Variants in LYN observed in about 807,000 individuals in gnomAD.
LYN encodes the protein LYN proto-oncogene, Src family tyrosine kinase.
LYN carries 12 observed loss-of-function variants against 65.0 expected under a neutral mutation model. The observed-to-expected ratio is 0.18, with a 90% confidence interval of 0.12 to 0.30. LYN has a LOEUF of 0.30. Among genes scored for constraint, LYN ranks in the 10% least tolerant of loss-of-function variants. LYN has a pLI of 1.00. For synonymous variants in LYN, 222 were observed against 221.2 expected (o/e 1.00, Z -0.03); for missense variants, 380 against 623.2 (o/e 0.61, Z 4.16).
In LYN at chr8:55,879,867, C is replaced by G. The variant is rs1804592835; in HGVS notation, c.-242C>G. The G allele has an allele frequency of 1.1e-5, 2 of 185,932 alleles. No individual in the cohort carries two copies. Among genetic ancestry groups the G allele is most frequent in the South Asian group, 8.8e-5 (1 of 11,320 alleles). 11.5% of individuals were successfully genotyped at this position (185,932 alleles called of 1,614,324 possible). On this transcript the variant is annotated 5_prime_UTR_variant, in exon 1 of 13. Coordinates refer to ENST00000519728, the MANE Select transcript of LYN (RefSeq NM_002350.4). ...CTCCCGCCGCGCCGGGCCGCGCTGCCGCTCGCTCCCCGGCCGTGGCGCCTC... is the reference window on the plus strand; with the variant it reads ...CTCCCGCCGCGCCGGGCCGCGCTGCGGCTCGCTCCCCGGCCGTGGCGCCTC...
chr8:55,936,107 G>T (rs1431302280), intron 1 of LYN, among the ~76,000 whole-genome samples: 1 of 152,174 alleles, frequency 6.6e-6, no homozygotes, highest in Non-Finnish European at 1.5e-5. Flanking sequence ...ACTGATACTG[G>T]AATGCAAGTG....
At chr8:55,896,724 C>G (rs1805115758) in intron 1 of LYN, among the ~76,000 whole-genome samples, 1 of 151,954 alleles carries the variant, frequency 6.6e-6, no homozygotes, top group South Asian at 2.1e-4. Flanking sequence ...GCATTCCCCC[C>G]AAGCTCCTCA....
intron 8 of LYN, among the ~76,000 whole-genome samples, chr8:55,958,207 G>A (rs187238744): frequency 2.6e-5 from 4 of 152,252 alleles, no homozygotes; most frequent in South Asian, 2.1e-4. Flanking sequence ...TGGGAAAACC[G>A]CCTTGCTTCT....
chr8:55,947,046 G>A (rs1806799849), intron 3 of LYN, among the ~76,000 whole-genome samples: 1 of 152,160 alleles, frequency 6.6e-6, no homozygotes, highest in Non-Finnish European at 1.5e-5. Context: ...TCAGGAGTTC[G>A]AGACCAGCCT....
intron 1 of LYN, among the ~76,000 whole-genome samples, chr8:55,938,747 A>G (rs762846407): frequency 1.2e-4 from 19 of 152,370 alleles, no homozygotes; most frequent in East Asian, 3.9e-4. Flanking sequence ...TTGTTAATAA[A>G]TAGATGAAAC....
intron 1 of LYN, among the ~76,000 whole-genome samples, chr8:55,921,399 T>TA (rs1805944338): frequency 1.3e-5 from 2 of 152,202 alleles, no homozygotes; most frequent in South Asian, 4.1e-4. Flanking sequence ...GCTATACACG[T>TA]ACTAACTGAT....
intron 12 of LYN, among the ~76,000 whole-genome samples, chr8:56,007,873 C>T (rs1313950595): frequency 6.6e-6 from 1 of 152,108 alleles, no homozygotes; most frequent in Non-Finnish European, 1.5e-5. Flanking sequence ...TAATCCAGCA[C>T]TTTGGGAGGC....
At chr8:55,966,938 A>T in intron 9 of LYN, 41 bp downstream of exon 9, 1 of 1,576,338 alleles carries the variant, frequency 6.3e-7, no homozygotes, top group South Asian at 1.1e-5. Context: ...AGGGCTTCAA[A>T]CTCAAAAAGT....
chr8:55,932,637 T>C (rs1324266578), intron 1 of LYN, among the ~76,000 whole-genome samples: 1 of 152,188 alleles, frequency 6.6e-6, no homozygotes, highest in Non-Finnish European at 1.5e-5. Flanking sequence ...GCCAGGCTGG[T>C]CTCGAACTCC....
At chr8:56,004,811 G>A (rs1035000111) in intron 12 of LYN, among the ~76,000 whole-genome samples, 3 of 151,986 alleles carry the variant, frequency 2.0e-5, no homozygotes, top group Non-Finnish European at 2.9e-5. Context: ...ATTTGACAGG[G>A]TCTTGCTCTG....
intron 1 of LYN, among the ~76,000 whole-genome samples, chr8:55,890,460 T>C (rs1804926083): frequency 6.6e-6 from 1 of 152,166 alleles, no homozygotes; most frequent in African/African-American, 2.4e-5. Context: ...GTGGAGAAAT[T>C]GGAATCCTGT....
intron 1 of LYN, among the ~76,000 whole-genome samples, chr8:55,939,347 G>A (rs1806529786): frequency 1.3e-5 from 2 of 152,120 alleles, no homozygotes; most frequent in Admixed American, 1.3e-4. Context: ...CCATGACAAT[G>A]GTGGAAAGAA....
chr8:55,953,949 G>T lies in LYN; in HGVS notation c.755G>T (p.Arg252Met), dbSNP rs1563527131. Residue 252 changes from arginine to methionine, a missense_variant, in exon 8 of 13, where the codon AGG becomes ATG. Arg to Met is a moderately conservative substitution (Grantham distance 91). Coordinates refer to ENST00000519728, the MANE Select transcript of LYN (RefSeq NM_002350.4). ...CGGGAGTCCATCAAGTTGGTGAAAA[G>T]GCTTGGCGCTGGGCAGTTTGGGGAA... ...IPRESIKLVK[R>M]LGAGQFGEVW... The T allele has an allele frequency of 1.9e-6, 3 of 1,614,170 alleles. No individual in the cohort carries two copies. The South Asian group carries it at 3.3e-5, about 18-fold the overall frequency.
At chr8:55,978,016 T>C (rs762802401) in intron 10 of LYN, among the ~76,000 whole-genome samples, 2 of 152,182 alleles carry the variant, frequency 1.3e-5, no homozygotes, top group Non-Finnish European at 2.9e-5. Context: ...CAGAGCTAGA[T>C]TCTCAGGCCC....
At position 55,968,249 on chromosome 8, in the gene LYN, A is replaced by AAT. The variant is rs542960643; in HGVS notation, c.973+1365_973+1366dup. ...TGAGTTTTCCTATGTAACAATGCCT[A>AAT]ATATATATATATATTTATTTTTTTG... On this transcript the variant is annotated intron_variant, in intron 9 of 12. Transcript: ENST00000519728. Among the ~76,000 whole-genome samples the AAT allele has an allele frequency of 1.6e-3, 249 of 151,376 alleles. 1 individual carries two copies. The East Asian group carries it at 0.017, about 10-fold the overall frequency.
chr8:55,994,921 C>T (rs865879135), intron 10 of LYN, among the ~76,000 whole-genome samples: 3 of 152,162 alleles, frequency 2.0e-5, no homozygotes, highest in Non-Finnish European at 2.9e-5. Context: ...GTGGTTCTAT[C>T]GCCAAAAGCC....
At chr8:55,987,030 T>G (rs545745997) in intron 10 of LYN, among the ~76,000 whole-genome samples, 1 of 152,334 alleles carries the variant, frequency 6.6e-6, no homozygotes, top group African/African-American at 2.4e-5. Flanking sequence ...TTGACCATTT[T>G]TTAAATTATC....
intron 1 of LYN, among the ~76,000 whole-genome samples, chr8:55,938,860 T>C (rs1126327): frequency 0.91 from 139,019 of 152,270 alleles, 63,547 homozygotes; most frequent in East Asian, 0.97. Flanking sequence ...TGAGTGAGTC[T>C]TAGCCTCACC....
intron 10 of LYN, among the ~76,000 whole-genome samples, chr8:55,996,736 G>T (rs774272454): frequency 6.6e-6 from 1 of 151,802 alleles, no homozygotes; most frequent in Non-Finnish European, 1.5e-5. Context: ...ACTTTGGAAC[G>T]ATACTACACT....
Sources: allele counts gnomAD v4.1 joint callset (sites outside exome capture counted in the v4.1 genomes callset), GRCh38; gene constraint gnomAD v4.1.1; transcripts MANE v1.5; gene names NCBI Gene and HGNC (gene_info 2026-07-23, HGNC 2026-07-21).